FAM117B: variants seen among roughly 807,000 people sequenced by gnomAD.
The protein encoded by FAM117B is protein FAM117B.
Under a neutral mutation model 52.8 loss-of-function variants are expected in FAM117B, and 22 were observed. The ratio of observed to expected loss-of-function variants is 0.42; its 90% CI spans 0.30 to 0.59. The LOEUF (loss-of-function observed/expected upper bound fraction) is 0.59. Among genes scored for constraint, FAM117B ranks in the 20% least tolerant of loss-of-function variants. FAM117B has a pLI of 0.22. For missense variants in FAM117B, 678 were observed against 802.6 expected (o/e 0.84, Z 1.88); for synonymous variants, 309 against 324.1 (o/e 0.95, Z 0.50).
Position 202,765,477 on chromosome 2 carries a change from T to C in FAM117B, c.1483T>C (p.Tyr495His). ...PKQLHEIPAF[Y>H]CPDKNKVNFI... is the part of the protein sequence containing the mutation. ...ACAGCTTCATGAAATCCCAGCCTTT[T>C]ATTGTCCTGACAAAAACAAGGTGAA... Residue 495 changes from tyrosine (Y) to histidine (H), a missense_variant, in exon 8 of 8, where the codon TAT (tyrosine) becomes CAT (histidine). Physicochemically the swap from Tyr to His is moderately conservative, Grantham distance 83. Around this residue, in one of 3 missense-constraint regions of FAM117B, gnomAD observed 27 missense variants for 77.3 expected, o/e 0.35. Transcript: ENST00000392238. The C allele has an allele frequency of 6.2e-7, 1 of 1,614,118 alleles. No individual in the cohort carries two copies. Among genetic ancestry groups the C allele is most frequent in the Non-Finnish European group, 8.5e-7 (1 of 1,180,038 alleles).
chr2:202,669,234 A>G (rs1343536467), intron 1 of FAM117B, among the ~76,000 whole-genome samples: 1 of 152,158 alleles, frequency 6.6e-6, no homozygotes, highest in Non-Finnish European at 1.5e-5. Flanking sequence ...ATGATATGAT[A>G]TTGGAGATTT....
chr2:202,639,144 C>A (rs1260634120), intron 1 of FAM117B, among the ~76,000 whole-genome samples: 1 of 152,148 alleles, frequency 6.6e-6, no homozygotes, highest in African/African-American at 2.4e-5. Context: ...CCATATAATT[C>A]TATAAACCTC....
chr2:202,660,199 A>C (rs1027126471), intron 1 of FAM117B, among the ~76,000 whole-genome samples: 1 of 151,890 alleles, frequency 6.6e-6, no homozygotes, highest in Non-Finnish European at 1.5e-5. Flanking sequence ...ATTTTTGACA[A>C]TTCCAAAATC....
intron 7 of FAM117B, among the ~76,000 whole-genome samples, chr2:202,763,812 A>C (rs552693248): frequency 6.6e-6 from 1 of 152,170 alleles, no homozygotes; most frequent in East Asian, 1.9e-4. Flanking sequence ...CCACCTAATC[A>C]TTGTCTACTT....
At chr2:202,655,291 G>T (rs1690034781) in intron 1 of FAM117B, among the ~76,000 whole-genome samples, 1 of 152,128 alleles carries the variant, frequency 6.6e-6, no homozygotes, top group Admixed American at 6.6e-5. Flanking sequence ...GTATTGGGGA[G>T]TTTGTAGTTT....
At position 202,757,444 on chromosome 2, in the gene FAM117B, G is replaced by A. The variant is rs1691820208; in HGVS notation, c.1330+6G>A. ...TGTTGATCCCAGAGATAAAGGTACA[G>A]TGCTGGAGGAATGTGCTACTAGATG... On this transcript the variant is annotated splice_donor_region_variant and intron_variant, in intron 6 of 7. Transcript: ENST00000392238. The A allele has an allele frequency of 6.2e-7, 1 of 1,612,778 alleles. No individual in the cohort carries two copies. The highest frequency in any genetic ancestry group is 8.5e-7 in the Non-Finnish European group (1 of 1,178,976).
chr2:202,655,734 GAGAGAGAGAGAGA>G (rs1690044395), intron 1 of FAM117B, among the ~76,000 whole-genome samples: 1 of 149,004 alleles, frequency 6.7e-6, no homozygotes, highest in African/African-American at 2.5e-5. Context: ...GAGAGAGAGA[GAGAGAGAGAGAGA>G]GAGAGAGAGA....
At chr2:202,646,532 A>G (rs1689866543) in intron 1 of FAM117B, among the ~76,000 whole-genome samples, 1 of 152,018 alleles carries the variant, frequency 6.6e-6, no homozygotes, top group Admixed American at 6.6e-5. Context: ...CTGTCTCGTT[A>G]ATTTCTATAG....
intron 7 of FAM117B, among the ~76,000 whole-genome samples, chr2:202,761,622 G>T (rs1691890975): frequency 6.6e-6 from 1 of 152,270 alleles, no homozygotes; most frequent in South Asian, 2.1e-4. Flanking sequence ...TGCCACCCAG[G>T]TTCAAGCAAT....
At chr2:202,662,036 C>T (rs10184507) in intron 1 of FAM117B, among the ~76,000 whole-genome samples, 18 of 151,820 alleles carry the variant, frequency 1.2e-4, no homozygotes, top group Admixed American at 1.0e-3. Context: ...TATTGCAGAG[C>T]TATTCACAAT....
intron 1 of FAM117B, among the ~76,000 whole-genome samples, chr2:202,652,052 T>TAA (rs1227648534): frequency 1.8e-4 from 18 of 98,628 alleles, no homozygotes; most frequent in African/African-American, 4.1e-4. Context: ...AAACTCTGTC[T>TAA]AAAAAAAAAA....
chr2:202,733,177 G>T (rs561387923), intron 4 of FAM117B, among the ~76,000 whole-genome samples: 3 of 152,114 alleles, frequency 2.0e-5, no homozygotes, highest in Admixed American at 1.3e-4. Flanking sequence ...AGGGGAGGGG[G>T]TGTATGAACA....
intron 6 of FAM117B, 92 bp downstream of exon 6, chr2:202,757,530 C>A: frequency 1.6e-6 from 2 of 1,276,358 alleles, no homozygotes; most frequent in Non-Finnish European, 2.2e-6. Flanking sequence ...AACACACACA[C>A]TCGAGGCTAC....
Position 202,765,953 on chromosome 2 carries a change from GTGCTTAGCC to G in FAM117B, c.*195_*203del. 1 of 599,084 alleles carries G rather than the reference GTGCTTAGCC, an allele frequency of 1.7e-6. No homozygotes were observed. The allele number at this position is 599,084 out of a possible 1,614,324, so 37.1% of individuals were successfully genotyped here. On this transcript the variant is annotated 3_prime_UTR_variant, in exon 8 of 8. Transcript: ENST00000392238. ...CCCCACTTGTGAACGCCAACCCTCA[GTGCTTAGCC>G]TGCTTTTTATCAAAGCACTGATTGA... is the stretch of plus-strand genomic sequence containing the variant.
At chr2:202,744,949 C>A (rs1398653153) in intron 4 of FAM117B, among the ~76,000 whole-genome samples, 1 of 135,086 alleles carries the variant, frequency 7.4e-6, no homozygotes, top group African/African-American at 2.9e-5. Flanking sequence ...TGCACTCCAG[C>A]CTGGGTGATA....
chr2:202,675,586 A>G (rs747524467), intron 1 of FAM117B, among the ~76,000 whole-genome samples: 7 of 151,918 alleles, frequency 4.6e-5, no homozygotes, highest in Non-Finnish European at 8.8e-5. Flanking sequence ...GTGGGAGACA[A>G]CCTCTGAGAT....
At chr2:202,672,445 C>T (rs1179294646) in intron 1 of FAM117B, among the ~76,000 whole-genome samples, 1 of 152,146 alleles carries the variant, frequency 6.6e-6, no homozygotes, top group African/African-American at 2.4e-5. Context: ...AACTCCTGAT[C>T]TCAAGTGATC....
At chr2:202,728,315 A>G (rs1034556167) in intron 4 of FAM117B, among the ~76,000 whole-genome samples, 1 of 152,144 alleles carries the variant, frequency 6.6e-6, no homozygotes, top group Non-Finnish European at 1.5e-5. Flanking sequence ...TATAATTTCC[A>G]GTAACTTTTT....
In FAM117B at chr2:202,695,996, G is replaced by A; in HGVS notation, c.717G>A (p.Gly239=). Residue 239 remains glycine, a synonymous_variant, in exon 2 of 8, where the codon GGG becomes GGA. Transcript: ENST00000392238. ...GACACTGGCCTCGGGATAGCCATGG[G>A]CAAGCTGCACCTTGCATGAGGGACA... ...LAGHWPRDSH[G]QAAPCMRDKA... 1 of 1,614,116 alleles carries A rather than the reference G, an allele frequency of 6.2e-7. No individual in the cohort carries two copies. Among genetic ancestry groups the A allele is most frequent in the Non-Finnish European group, 8.5e-7 (1 of 1,180,006 alleles).
Sources: allele counts gnomAD v4.1 joint callset (sites outside exome capture counted in the v4.1 genomes callset), GRCh38; gene constraint gnomAD v4.1.1; regional missense constraint gnomAD v4.1.1; transcripts MANE v1.5; gene names NCBI Gene and HGNC (gene_info 2026-07-23, HGNC 2026-07-21).